MSRA: variants seen among roughly 807,000 people sequenced by gnomAD.
MSRA encodes mitochondrial peptide methionine sulfoxide reductase.
A neutral mutation model predicts 31.3 loss-of-function variants in MSRA; 54 were observed. The ratio of observed to expected loss-of-function variants is 1.73; its 90% CI spans 1.39 to 2.17. The LOEUF is 2.17. Ranked by LOEUF, MSRA falls within the 30% of genes most tolerant of loss-of-function variation. The pLI is 0.00. For missense variants in MSRA, 507 were observed against 300.9 expected (o/e 1.69, Z -5.07); for synonymous variants, 169 against 116.5 (o/e 1.45, Z -2.90).
At chr8:10,225,269 C>G (rs1218402747) in intron 2 of MSRA, among the ~76,000 whole-genome samples, 2 of 152,252 alleles carry the variant, frequency 1.3e-5, no homozygotes, top group Non-Finnish European at 2.9e-5. Flanking sequence ...TCCTTGAAGT[C>G]TCTGTGACTT....
intron 1 of MSRA, among the ~76,000 whole-genome samples, chr8:10,056,150 A>G (rs140016554): frequency 2.9e-5 from 4 of 139,464 alleles, no homozygotes; most frequent in East Asian, 2.1e-4. Flanking sequence ...CTTGTGCTAT[A>G]CTTCCCGTTC....
rs141302425 is a variant in MSRA, at chr8:10,152,271, G to A, written c.143-55562G>A. On this transcript the variant is annotated intron_variant, in intron 1 of 5. Transcript: ENST00000317173. Reference sequence around the variant, plus strand: ...CATATATAAACACATGTATACGTATGTATATATAAATAAAATTGGATTGAG... The same window carrying A: ...CATATATAAACACATGTATACGTATATATATATAAATAAAATTGGATTGAG... Among the ~76,000 whole-genome samples the A allele has an allele frequency of 7.3e-3, 1,107 of 152,296 alleles. 6 individuals are homozygous for A. Among genetic ancestry groups the A allele is most frequent in the Middle Eastern group, 0.037 (11 of 294 alleles).
rs1217319286 is a variant in MSRA at position 10,341,896 on chromosome 8, G to C, written c.543+21907G>C. On this transcript the variant is annotated intron_variant, in intron 5 of 5. Transcript: ENST00000317173. Reference sequence around the variant, plus strand: ...TGAGGAAGGCATGGCTCGGGACAGTGCCAGCTAAGATACATCTAGAACCCC... The same window carrying C: ...TGAGGAAGGCATGGCTCGGGACAGTCCCAGCTAAGATACATCTAGAACCCC... Among the ~76,000 whole-genome samples, 3 of 152,314 alleles carry C rather than the reference G, an allele frequency of 2.0e-5. No individual in the cohort carries two copies. In the East Asian group the frequency reaches 5.8e-4, roughly 29 times the overall value.
intron 3 of MSRA, among the ~76,000 whole-genome samples, chr8:10,247,938 T>C (rs4240636): frequency 0.6 from 91,648 of 151,492 alleles, 28,881 homozygotes; most frequent in Non-Finnish European, 0.71. Flanking sequence ...TTATGGTAAC[T>C]AGCTAATTAA....
At chr8:10,291,899 G>A (rs925246070) in intron 3 of MSRA, among the ~76,000 whole-genome samples, 33 of 152,262 alleles carry the variant, frequency 2.2e-4, no homozygotes, top group African/African-American at 7.5e-4. Context: ...CCTGGACTCG[G>A]ACTCTAGGCA....
intron 1 of MSRA, among the ~76,000 whole-genome samples, chr8:10,151,463 G>A (rs1355903989): frequency 6.6e-6 from 1 of 151,750 alleles, no homozygotes; most frequent in African/African-American, 2.4e-5. Context: ...CTAACATGGT[G>A]AAACCCCGTC....
At chr8:10,077,356 A>G (rs1250109702) in intron 1 of MSRA, among the ~76,000 whole-genome samples, 1 of 152,098 alleles carries the variant, frequency 6.6e-6, no homozygotes, top group Non-Finnish European at 1.5e-5. Context: ...GTTTTTAAAG[A>G]TGGGAGAGAC....
chr8:10,332,748 C>G (rs892999082), intron 5 of MSRA, among the ~76,000 whole-genome samples: 1 of 152,104 alleles, frequency 6.6e-6, no homozygotes, highest in Non-Finnish European at 1.5e-5. Context: ...CTTTCTTGCA[C>G]TGTATTTAGA....
In MSRA at chr8:10,083,653, A is replaced by T. The variant is rs577338223; in HGVS notation, c.142+28995A>T. 6.6e-5 allele frequency among the ~76,000 whole-genome samples: 10 copies of T among 152,304 alleles called. No homozygotes were observed. In the Middle Eastern group the frequency reaches 0.01, roughly 155 times the overall value. On this transcript the variant is annotated intron_variant, in intron 1 of 5. Coordinates refer to ENST00000317173, the MANE Select transcript of MSRA (RefSeq NM_012331.5). ...TGTTTTTAAGTTTTTTAGTCTTTTAAACTATGCAGAGGAAATTTTATTCAA... is the reference window on the plus strand; with the variant it reads ...TGTTTTTAAGTTTTTTAGTCTTTTATACTATGCAGAGGAAATTTTATTCAA...
At chr8:10,190,980 A>G (rs1457495925) in intron 1 of MSRA, among the ~76,000 whole-genome samples, 1 of 152,186 alleles carries the variant, frequency 6.6e-6, no homozygotes, top group Non-Finnish European at 1.5e-5. Context: ...CTTCAGCATT[A>G]GTTTTCTGGT....
intron 2 of MSRA, among the ~76,000 whole-genome samples, chr8:10,212,197 A>AAT (rs1809563611): frequency 6.6e-6 from 1 of 152,070 alleles, no homozygotes; most frequent in African/African-American, 2.4e-5. Flanking sequence ...AAAAAAAAAA[A>AAT]AATTTAAACT....
chr8:10,315,594 C>T (rs1801666444), intron 4 of MSRA, among the ~76,000 whole-genome samples: 1 of 152,190 alleles, frequency 6.6e-6, no homozygotes, highest in African/African-American at 2.4e-5. Flanking sequence ...ATTGCTACTT[C>T]TGCTAATATG....
intron 1 of MSRA, among the ~76,000 whole-genome samples, chr8:10,188,977 G>C (rs1192950036): frequency 3.3e-5 from 5 of 152,180 alleles, no homozygotes; most frequent in Admixed American, 6.5e-5. Context: ...ACATCTTACA[G>C]AGTCTTTCAG....
chr8:10,394,245 C>G (rs541146672), intron 5 of MSRA, among the ~76,000 whole-genome samples: 97 of 152,302 alleles, frequency 6.4e-4, no homozygotes, highest in African/African-American at 2.3e-3. Context: ...TACTATGCAT[C>G]TGTACTTTTG....
chr8:10,160,493 T>TA (rs897488761), intron 1 of MSRA, among the ~76,000 whole-genome samples: 226 of 139,378 alleles, frequency 1.6e-3, no homozygotes, highest in Admixed American at 4.3e-3. Flanking sequence ...AGACTCCATC[T>TA]AAAAAAAAAA....
At chr8:10,305,130 C>T (rs1801056160) in intron 4 of MSRA, among the ~76,000 whole-genome samples, 1 of 152,014 alleles carries the variant, frequency 6.6e-6, no homozygotes. Flanking sequence ...TTGAAGGGGC[C>T]TTAAATTTTT....
At chr8:10,254,926 T>C (rs59706501) in intron 3 of MSRA, among the ~76,000 whole-genome samples, 5,135 of 152,346 alleles carry the variant, frequency 0.034, 123 homozygotes, top group East Asian at 0.092. Context: ...GATTTCCTTT[T>C]CTTTAGCCGG....
intron 3 of MSRA, among the ~76,000 whole-genome samples, chr8:10,278,602 C>G (rs1427257760): frequency 1.3e-5 from 2 of 152,194 alleles, no homozygotes; most frequent in African/African-American, 4.8e-5. Context: ...TATGGTGCAC[C>G]TCACGTCTGC....
chr8:10,303,028 T>A (rs1179600528), intron 4 of MSRA, among the ~76,000 whole-genome samples: 2 of 152,208 alleles, frequency 1.3e-5, no homozygotes, highest in Non-Finnish European at 2.9e-5. Context: ...AGTCGCTCCT[T>A]CTGGTAAGTC....
Sources: gnomAD v4.1 joint callset for allele counts (sites outside exome capture counted in the v4.1 genomes callset) on GRCh38, gnomAD v4.1.1 for gene constraint, MANE v1.5 for transcripts, NCBI Gene and HGNC (gene_info 2026-07-23, HGNC 2026-07-21) for gene names.